The following FSTL5 variants were observed in gnomAD, a reference collection of about 807,000 sequenced individuals.
FSTL5 encodes follistatin like 5, also known as follistatin-related protein 5.
FSTL5 carries 62 observed loss-of-function variants against 89.1 expected under a neutral mutation model. The observed-to-expected ratio is 0.70, with a 90% CI of 0.57 to 0.86. FSTL5 has a LOEUF of 0.86. Ranked by LOEUF, FSTL5 falls within the 40% of genes least tolerant of loss-of-function variation. FSTL5 has a pLI of 0.00. For synonymous variants in FSTL5, 383 were observed against 346.2 expected (o/e 1.11, Z -1.18); for missense variants, 1,057 against 1,001.6 (o/e 1.06, Z -0.75).
At chr4:161,452,392 C>T (rs1733195981) in intron 15 of FSTL5, among the ~76,000 whole-genome samples, 1 of 151,928 alleles carries the variant, frequency 6.6e-6, no homozygotes, top group East Asian at 1.9e-4. Flanking sequence ...AGGAGAATTG[C>T]TTGAATCCGG....
chr4:161,445,544 T>C (rs1365117822), intron 15 of FSTL5, among the ~76,000 whole-genome samples: 1 of 151,988 alleles, frequency 6.6e-6, no homozygotes, highest in Non-Finnish European at 1.5e-5. Context: ...GTAAACCAAA[T>C]ATTACGATAG....
chr4:161,901,824 AC>A (rs1263366749), intron 4 of FSTL5, among the ~76,000 whole-genome samples: 1 of 152,012 alleles, frequency 6.6e-6, no homozygotes, highest in Non-Finnish European at 1.5e-5. Flanking sequence ...AGTCCCAGCT[AC>A]TCGGGAGGCC....
intron 2 of FSTL5, among the ~76,000 whole-genome samples, chr4:162,049,380 AACTG>A (rs1256955943): frequency 6.6e-6 from 1 of 152,222 alleles, no homozygotes; most frequent in African/African-American, 2.4e-5. Flanking sequence ...AGCTGGAGTG[AACTG>A]ACTGATTACA....
Position 161,455,127 on chromosome 4 carries a change from A to T in FSTL5, c.1718T>A (p.Val573Glu). 6.2e-7 allele frequency: 1 copy of T among 1,602,758 alleles called. No homozygotes were observed. The highest frequency in any genetic ancestry group is 8.5e-7 in the Non-Finnish European group (1 of 1,175,666). The change falls in exon 15 of 16, where the codon GTA (valine) becomes GAA (glutamate). Residue 573 changes from valine to glutamate, a missense_variant and splice_region_variant. Physicochemically the swap from Val to Glu is moderately radical, Grantham distance 121. This residue lies in a region of FSTL5 where 980 missense variants were observed against 903.2 expected (regional missense o/e 1.08). Transcript: ENST00000306100. ...CACATTCCCACTGGCCAGGGTAATT[A>T]CCTAAAGAGAACACACCTTGGTTAG... ...TLEKTSPTLQ[V>E]ITLASGNVPH...
At chr4:161,899,291 AAAG>A (rs1270227522) in intron 4 of FSTL5, among the ~76,000 whole-genome samples, 1 of 152,214 alleles carries the variant, frequency 6.6e-6, no homozygotes, top group Non-Finnish European at 1.5e-5. Context: ...GCAGAGAAGA[AAAG>A]AAGGAAAGAA....
intron 11 of FSTL5, among the ~76,000 whole-genome samples, chr4:161,500,648 T>C (rs994731014): frequency 3.9e-5 from 6 of 152,194 alleles, no homozygotes; most frequent in African/African-American, 1.4e-4. Flanking sequence ...TTTGTCAAAA[T>C]AATTCTAAAT....
intron 4 of FSTL5, among the ~76,000 whole-genome samples, chr4:161,785,126 C>A (rs980932561): frequency 2.6e-5 from 4 of 151,980 alleles, no homozygotes; most frequent in Non-Finnish European, 4.4e-5. Context: ...ACTCAACATT[C>A]GACTTTACGT....
intron 3 of FSTL5, among the ~76,000 whole-genome samples, chr4:161,983,968 C>T (rs978726698): frequency 6.6e-6 from 1 of 151,934 alleles, no homozygotes; most frequent in Admixed American, 6.6e-5. Flanking sequence ...AAAAACTTTC[C>T]TGAAAAAAAT....
chr4:161,693,668 T>C (rs1738032535), intron 6 of FSTL5, among the ~76,000 whole-genome samples: 1 of 143,010 alleles, frequency 7.0e-6, no homozygotes, highest in Non-Finnish European at 1.5e-5. Flanking sequence ...AGACAGAGTC[T>C]CACTCTTTCG....
At chr4:161,489,879 C>A (rs978716562) in intron 12 of FSTL5, among the ~76,000 whole-genome samples, 3 of 151,900 alleles carry the variant, frequency 2.0e-5, no homozygotes, top group African/African-American at 7.2e-5. Context: ...TTTGTTAATG[C>A]AGCTTTTAAA....
intron 4 of FSTL5, among the ~76,000 whole-genome samples, chr4:161,782,873 G>A (rs1381076546): frequency 6.6e-6 from 1 of 152,148 alleles, no homozygotes; most frequent in Non-Finnish European, 1.5e-5. Flanking sequence ...AGATGTTCTA[G>A]TATCCAGGTA....
At chr4:161,618,528 C>G (rs1734980616) in intron 7 of FSTL5, among the ~76,000 whole-genome samples, 2 of 149,926 alleles carry the variant, frequency 1.3e-5, no homozygotes. Context: ...GAGTTTTTAG[C>G]ATGAAGGGTT....
intron 6 of FSTL5, among the ~76,000 whole-genome samples, chr4:161,692,167 G>A (rs1737964256): frequency 6.6e-6 from 1 of 151,940 alleles, no homozygotes; most frequent in African/African-American, 2.4e-5. Flanking sequence ...GACATTAGGA[G>A]AAAAGCTTTC....
chr4:161,476,451 T>C (rs1734153966), intron 13 of FSTL5, among the ~76,000 whole-genome samples: 1 of 152,044 alleles, frequency 6.6e-6, no homozygotes, highest in Non-Finnish European at 1.5e-5. Context: ...CCTCCCAAAG[T>C]GTTAGGATTA....
intron 3 of FSTL5, among the ~76,000 whole-genome samples, chr4:161,984,627 G>A (rs1271009805): frequency 3.9e-5 from 6 of 151,980 alleles, no homozygotes; most frequent in Non-Finnish European, 8.8e-5. Context: ...GGCTCAAGCA[G>A]TCTTTCCCCC....
At chr4:162,065,961 T>C (rs1356111350) in intron 2 of FSTL5, among the ~76,000 whole-genome samples, 1 of 152,094 alleles carries the variant, frequency 6.6e-6, no homozygotes, top group Non-Finnish European at 1.5e-5. Flanking sequence ...TGCTTTAACT[T>C]TTCTTGTATT....
intron 7 of FSTL5, among the ~76,000 whole-genome samples, chr4:161,654,387 G>A (rs887801919): frequency 6.6e-6 from 1 of 152,042 alleles, no homozygotes; most frequent in Admixed American, 6.6e-5. Context: ...AAAAGATAAA[G>A]TATAGAAATG....
At chr4:162,045,037 T>C (rs1329932237) in intron 2 of FSTL5, among the ~76,000 whole-genome samples, 1 of 152,190 alleles carries the variant, frequency 6.6e-6, no homozygotes, top group Non-Finnish European at 1.5e-5. Context: ...AGTAGCACTT[T>C]TAATTTTCTT....
intron 2 of FSTL5, among the ~76,000 whole-genome samples, chr4:162,053,501 T>C (rs1416919831): frequency 1.3e-5 from 2 of 151,644 alleles, no homozygotes; most frequent in South Asian, 2.1e-4. Flanking sequence ...GTATAAAACA[T>C]GTGTGCATAA....
Sources: gnomAD v4.1 joint callset for allele counts (sites outside exome capture counted in the v4.1 genomes callset) on GRCh38, gnomAD v4.1.1 for gene constraint, gnomAD v4.1.1 regional missense constraint, MANE v1.5 for transcripts, NCBI Gene and HGNC (gene_info 2026-07-23, HGNC 2026-07-21) for gene names.